Variants in LRRC38 observed in about 807,000 individuals in gnomAD.
LRRC38 encodes leucine rich repeat containing 38.
LRRC38 carries 5 observed loss-of-function variants against 16.4 expected under a neutral mutation model. The ratio of observed to expected loss-of-function variants is 0.31; its 90% CI spans 0.16 to 0.64. The LOEUF (loss-of-function observed/expected upper bound fraction) is 0.64, where lower values mean the gene tolerates loss of function less well. LRRC38 is among the 30% of genes least tolerant of loss of function. LRRC38 has a pLI of 0.80. For missense variants in LRRC38, 341 were observed against 401.8 expected (o/e 0.85, Z 1.29); for synonymous variants, 191 against 190.2 (o/e 1.00, Z -0.04).
chr1:13,475,882 T>G lies in LRRC38; in HGVS notation c.849A>C (p.Lys283Asn). The G allele has an allele frequency of 6.4e-7, 1 of 1,550,512 alleles. No individual in the cohort carries two copies. Among genetic ancestry groups the G allele is most frequent in the Non-Finnish European group, 8.7e-7 (1 of 1,146,998 alleles). ...VQCLQRCAPN[K>N]DAEDEDEDKD... ...TGTCCTCGTCTTCATCCTCCGCATC[T>G]TTGTTGGGTGCGCACCTCTGGAGGC... The change falls in exon 2 of 2, where the codon AAA becomes AAC. Residue 283 changes from lysine to asparagine, a missense_variant. By Grantham distance (94) the Lys-to-Asn change is moderately conservative. Transcript: ENST00000376085. This position sits in a 1 kb window ranked among gnomAD's most constrained non-coding sequence, Gnocchi z 4.3.
chr1:13,477,292 T>C (rs11586932), intron 1 of LRRC38, among the ~76,000 whole-genome samples: 11,368 of 152,264 alleles, frequency 0.075, 544 homozygotes, highest in Middle Eastern at 0.18. Context: ...GTATTTGCCA[T>C]GTACAAGGCC....
chr1:13,504,867 A>AAGAG lies in LRRC38; in HGVS notation c.631+8092_631+8095dup, dbSNP rs896180309. ...GAAAGAAAAGAAAAGAAAAAAGAAA[A>AAGAG]AGAGAAAGAAAAGAGAAACAAAGAA... On this transcript the variant is annotated intron_variant, in intron 1 of 1. Coordinates refer to ENST00000376085, the MANE Select transcript of LRRC38 (RefSeq NM_001010847.2). Among the ~76,000 whole-genome samples, 55 of 151,680 alleles carry AAGAG rather than the reference A, an allele frequency of 3.6e-4. No individual in the cohort carries two copies. In the East Asian group the frequency reaches 4.9e-3, roughly 13 times the overall value.
At chr1:13,481,376 G>GT (rs796116003) in intron 1 of LRRC38, among the ~76,000 whole-genome samples, 15 of 135,646 alleles carry the variant, frequency 1.1e-4, no homozygotes, top group Admixed American at 5.6e-4. Flanking sequence ...GTGTTCTTAT[G>GT]TTTTTTTTAT....
At chr1:13,503,331 C>T (rs184183348) in intron 1 of LRRC38, among the ~76,000 whole-genome samples, 3 of 152,192 alleles carry the variant, frequency 2.0e-5, no homozygotes, top group South Asian at 4.2e-4. Context: ...CAGTGTGGCA[C>T]GATCTCGGCT....
chr1:13,504,731 G>GGGGAGGGGAA (rs1639189343), intron 1 of LRRC38, among the ~76,000 whole-genome samples: 1 of 114,192 alleles, frequency 8.8e-6, no homozygotes, highest in Non-Finnish European at 1.8e-5. Flanking sequence ...GAAGGGGGGA[G>GGGGAGGGGAA]GGGAGGGGAA....
intron 1 of LRRC38, among the ~76,000 whole-genome samples, chr1:13,500,108 G>T (rs112363779): frequency 6.6e-6 from 1 of 151,956 alleles, no homozygotes; most frequent in African/African-American, 2.4e-5. Flanking sequence ...AAAATTAGCC[G>T]GGCTGGGTAG....
intron 1 of LRRC38, among the ~76,000 whole-genome samples, chr1:13,480,154 C>T (rs6666758): frequency 1.7e-3 from 256 of 152,308 alleles, no homozygotes; most frequent in African/African-American, 4.8e-3. Flanking sequence ...AGACCAACCT[C>T]GCCAATATGG....
intron 1 of LRRC38, among the ~76,000 whole-genome samples, chr1:13,493,478 A>G (rs189556): frequency 0.51 from 77,932 of 152,044 alleles, 23,663 homozygotes; most frequent in African/African-American, 0.83. Context: ...GACCCCCTAA[A>G]TCGTCCACAT....
intron 1 of LRRC38, among the ~76,000 whole-genome samples, chr1:13,492,425 G>C (rs1236913789): frequency 6.6e-6 from 1 of 152,252 alleles, no homozygotes; most frequent in East Asian, 1.9e-4. Context: ...TTTTGGCCGG[G>C]TGCGGTGGCT....
chr1:13,484,141 G>T (rs439626), intron 1 of LRRC38, among the ~76,000 whole-genome samples: 4 of 152,018 alleles, frequency 2.6e-5, no homozygotes, highest in East Asian at 3.9e-4. Context: ...CAAACGCCCC[G>T]CGCAGGCCAC....
At position 13,487,434 on chromosome 1, in the gene LRRC38, A is replaced by G. The variant is rs2100497895; in HGVS notation, c.632-11335T>C. ...TCAACTGGTGGGAAGTCAACTTCCC[A>G]CCTTTCGTCTTGCGATGGGTCTACC... On this transcript the variant is annotated intron_variant, in intron 1 of 1. Coordinates refer to ENST00000376085, the MANE Select transcript of LRRC38 (RefSeq NM_001010847.2). This position sits in a 1 kb window ranked among gnomAD's most constrained non-coding sequence, Gnocchi z 4.4. Among the ~76,000 whole-genome samples the G allele has an allele frequency of 6.6e-6, 1 of 151,732 alleles. No homozygotes were observed. Among genetic ancestry groups the G allele is most frequent in the East Asian group, 2.0e-4 (1 of 5,124 alleles).
chr1:13,509,223 G>A (rs532041356), intron 1 of LRRC38, among the ~76,000 whole-genome samples: 2 of 152,200 alleles, frequency 1.3e-5, no homozygotes, highest in East Asian at 3.9e-4. Context: ...GAGAGAATCA[G>A]CTCGAATCTC....
At chr1:13,479,207 A>G (rs1004801028) in intron 1 of LRRC38, among the ~76,000 whole-genome samples, 5 of 152,146 alleles carry the variant, frequency 3.3e-5, no homozygotes, top group Non-Finnish European at 7.4e-5. Context: ...ATGGAAAAAC[A>G]TCAATCAACC....
At chr1:13,499,799 C>G (rs994873836) in intron 1 of LRRC38, among the ~76,000 whole-genome samples, 1 of 152,074 alleles carries the variant, frequency 6.6e-6, no homozygotes, top group African/African-American at 2.4e-5. Flanking sequence ...GACCACAGTG[C>G]GACCCACGGG....
At chr1:13,489,440 C>A (rs992522897) in intron 1 of LRRC38, among the ~76,000 whole-genome samples, 1 of 152,104 alleles carries the variant, frequency 6.6e-6, no homozygotes, top group African/African-American at 2.4e-5. Context: ...CCCTCCCCAC[C>A]CCTCTCCTTT....
At chr1:13,503,266 TTTTA>T (rs763631336) in intron 1 of LRRC38, among the ~76,000 whole-genome samples, 37 of 138,100 alleles carry the variant, frequency 2.7e-4, no homozygotes, top group African/African-American at 6.7e-4. Context: ...TTTATTTTGT[TTTTA>T]TTTATTTATT....
intron 1 of LRRC38, among the ~76,000 whole-genome samples, chr1:13,476,372 T>C (rs1638790085): frequency 6.6e-6 from 1 of 152,214 alleles, no homozygotes; most frequent in Non-Finnish European, 1.5e-5. Flanking sequence ...GGAGTCTCTG[T>C]TGCCTAGGCA....
At chr1:13,485,016 G>A (rs941233057) in intron 1 of LRRC38, among the ~76,000 whole-genome samples, 6 of 152,180 alleles carry the variant, frequency 3.9e-5, no homozygotes, top group South Asian at 2.1e-4. Context: ...GGTGGCTCAC[G>A]CCTGTAATCC....
rs575654873 is a variant in LRRC38, at chr1:13,487,188, A to T, written c.632-11089T>A. The stretch of plus-strand genomic sequence containing the variant: ...TTCCTTCCCTGCCTACATTAGTCAG[A>T]GTTGGCTTCTGTTGTTTACGCTCAA... On this transcript the variant is annotated intron_variant, in intron 1 of 1. Coordinates refer to ENST00000376085, the MANE Select transcript of LRRC38 (RefSeq NM_001010847.2). The surrounding 1 kb of genome is among the most constrained non-coding windows in gnomAD (Gnocchi z 4.4). 6.6e-6 allele frequency among the ~76,000 whole-genome samples: 1 copy of T among 152,304 alleles called. No homozygotes were observed. The highest frequency in any genetic ancestry group is 2.4e-5 in the African/African-American group (1 of 41,578).
Sources: allele counts gnomAD v4.1 joint callset (sites outside exome capture counted in the v4.1 genomes callset), GRCh38; gene constraint gnomAD v4.1.1; non-coding constraint Gnocchi (gnomAD v3.1); transcripts MANE v1.5; gene names NCBI Gene and HGNC (gene_info 2026-07-23, HGNC 2026-07-21).